The following POU2F2 variants were observed in gnomAD, a reference collection of about 807,000 sequenced individuals.
POU2F2 encodes the protein POU domain, class 2, transcription factor 2.
A neutral mutation model predicts 63.5 loss-of-function variants in POU2F2; 14 were observed. The observed-to-expected ratio is 0.22, with a 90% CI of 0.15 to 0.34. The LOEUF is 0.34. POU2F2 is among the 10% of genes least tolerant of loss of function. The pLI is 1.00. For synonymous variants in POU2F2, 306 were observed against 348.6 expected (o/e 0.88, Z 1.36); for missense variants, 607 against 815.2 (o/e 0.74, Z 3.11).
At chr19:42,179,527 A>C, upstream of POU2F2, among the ~76,000 whole-genome samples, 1 of 150,380 alleles carries the variant, frequency 6.6e-6, no homozygotes, top group Non-Finnish European at 1.5e-5. Flanking sequence ...AGGAGGGGGA[A>C]GGCAGGGAGG....
At chr19:42,127,493 C>G (rs1037271122) in intron 1 of POU2F2, among the ~76,000 whole-genome samples, 4 of 152,102 alleles carry the variant, frequency 2.6e-5, no homozygotes, top group African/African-American at 9.7e-5. Flanking sequence ...AAGCAATTCC[C>G]TGCCTCAGGC....
At chr19:42,106,410 C>T (rs1160418816) in intron 5 of POU2F2, among the ~76,000 whole-genome samples, 1 of 152,100 alleles carries the variant, frequency 6.6e-6, no homozygotes, top group African/African-American at 2.4e-5. Flanking sequence ...CATGTCCAGC[C>T]AGATATATAG....
chr19:42,177,645 C>T (rs1005691070), upstream of POU2F2, among the ~76,000 whole-genome samples: 20 of 151,798 alleles, frequency 1.3e-4, no homozygotes, highest in Admixed American at 8.5e-4. Context: ...CACAGAGATA[C>T]TGAGAGACAC....
intron 2 of POU2F2, among the ~76,000 whole-genome samples, chr19:42,141,682 G>T (rs1282230330): frequency 6.6e-6 from 1 of 151,968 alleles, no homozygotes; most frequent in Non-Finnish European, 1.5e-5. Context: ...GTTTCTCCAT[G>T]TTGGTCAGGC....
intron 4 of POU2F2, among the ~76,000 whole-genome samples, chr19:42,121,863 G>A (rs1600119157): frequency 6.6e-6 from 1 of 152,298 alleles, no homozygotes; most frequent in East Asian, 1.9e-4. Context: ...TGGGATGGGG[G>A]CGGGCCTTTG....
intron 1 of POU2F2, among the ~76,000 whole-genome samples, chr19:42,163,251 G>C (rs936946349): frequency 1.3e-5 from 2 of 152,156 alleles, no homozygotes; most frequent in African/African-American, 4.8e-5. Context: ...TGTTGGGAGA[G>C]AGAGGCTTCT....
In POU2F2 at chr19:42,089,253, A is replaced by C. The variant is rs1416589427; in HGVS notation, c.*2004T>G. The C allele has an allele frequency of 1.3e-5, 2 of 152,268 alleles. No homozygotes were observed. The highest frequency in any genetic ancestry group is 2.9e-5 in the Non-Finnish European group (2 of 67,976). 9.4% of individuals were successfully genotyped at this position (152,268 alleles called of 1,614,324 possible). A position where few individuals can be genotyped will look rare whatever the true frequency, so the allele number is the denominator to read the frequency against. On this transcript the variant is annotated 3_prime_UTR_variant, in exon 15 of 15. Transcript: ENST00000692977. ...GAGAGGAGACAGGAAGGAGGAGAGG[A>C]GAGAGGAAGGAGGGGAGGAGAGAGG...
chr19:42,093,793 C>T (rs370791985), intron 12 of POU2F2, 36 bp downstream of exon 12: 26 of 1,581,338 alleles, frequency 1.6e-5, no homozygotes, highest in Non-Finnish European at 1.8e-5. Flanking sequence ...GCCACATCCT[C>T]CCAGTCCCCC....
At chr19:42,150,252 G>A (rs1362888059) in intron 2 of POU2F2, among the ~76,000 whole-genome samples, 1 of 152,022 alleles carries the variant, frequency 6.6e-6, no homozygotes, top group Non-Finnish European at 1.5e-5. Flanking sequence ...CTCCTCTGCA[G>A]GTTTGGGGTT....
intron 5 of POU2F2, among the ~76,000 whole-genome samples, chr19:42,116,520 G>A (rs2146558559): frequency 6.6e-6 from 1 of 152,256 alleles, no homozygotes; most frequent in East Asian, 1.9e-4. Flanking sequence ...CTCCCTGTGA[G>A]CCTCACTTTA....
At chr19:42,167,944 C>T (rs953727732) in intron 1 of POU2F2, among the ~76,000 whole-genome samples, 4 of 152,204 alleles carry the variant, frequency 2.6e-5, no homozygotes, top group African/African-American at 9.7e-5. Context: ...GAAAGATCTG[C>T]CTCATCTGGG....
At position 42,091,202 on chromosome 19, in the gene POU2F2, A is replaced by G; in HGVS notation, c.*55T>C. The G allele has an allele frequency of 6.9e-7, 1 of 1,448,906 alleles. No individual in the cohort carries two copies. The highest frequency in any genetic ancestry group is 2.5e-5 in the East Asian group (1 of 39,882). The allele number at this position is 1,448,906 out of a possible 1,614,324, so 89.8% of individuals were successfully genotyped here. A position where few individuals can be genotyped will look rare whatever the true frequency, so the allele number is the denominator to read the frequency against. On this transcript the variant is annotated 3_prime_UTR_variant, in exon 15 of 15. Transcript: ENST00000692977. ...CCACTGGCCTCCTCGCCCTCTTCCC[A>G]GGCAAGGGACCAAGGCAGGGACCAG...
intron 1 of POU2F2, among the ~76,000 whole-genome samples, chr19:42,124,747 C>T (rs889026805): frequency 1.3e-5 from 2 of 152,254 alleles, no homozygotes; most frequent in Admixed American, 6.5e-5. Context: ...AAAGAACAAA[C>T]TCCTGCTTCA....
At chr19:42,150,770 T>G (rs1041326348) in intron 2 of POU2F2, among the ~76,000 whole-genome samples, 1 of 151,770 alleles carries the variant, frequency 6.6e-6, no homozygotes, top group African/African-American at 2.4e-5. Context: ...TAATTTTTTT[T>G]AAAACTCGCT....
chr19:42,092,993 A>G lies in POU2F2; in HGVS notation c.1265-723T>C, dbSNP rs1268643068. Among the ~76,000 whole-genome samples the G allele has an allele frequency of 3.0e-4, 26 of 87,196 alleles. No homozygotes were observed. The highest frequency in any genetic ancestry group is 1.2e-3 in the African/African-American group (24 of 19,910). The allele number at this position is 87,196 out of a possible 152,430, so 57.2% of individuals were successfully genotyped here. A position where few individuals can be genotyped will look rare whatever the true frequency, so the allele number is the denominator to read the frequency against. ...ATATATATTATGTGTGTGTGTATAT[A>G]TATATATATATATATATTTTTTTTT... On this transcript the variant is annotated intron_variant, in intron 12 of 14. Coordinates refer to ENST00000692977, the MANE Select transcript of POU2F2 (RefSeq NM_001394376.1). The surrounding 1 kb of genome is among the most constrained non-coding windows in gnomAD (Gnocchi z 5.0).
At chr19:42,100,656 C>G (rs1376518881) in intron 5 of POU2F2, among the ~76,000 whole-genome samples, 1 of 152,030 alleles carries the variant, frequency 6.6e-6, no homozygotes, top group Admixed American at 6.6e-5. Flanking sequence ...GAGGCTGATG[C>G]AGGAGAATTG....
In POU2F2 at chr19:42,092,374, A is replaced by C; in HGVS notation, c.1265-104T>G. 1 of 879,842 alleles carries C rather than the reference A, an allele frequency of 1.1e-6. No individual in the cohort carries two copies. Among genetic ancestry groups the C allele is most frequent in the South Asian group, 1.4e-5 (1 of 69,760 alleles). 54.5% of individuals were successfully genotyped at this position (879,842 alleles called of 1,614,324 possible). A position where few individuals can be genotyped will look rare whatever the true frequency, so the allele number is the denominator to read the frequency against. ...TGTCCTCCCGCCCAGCTCACGCAGC[A>C]TCTCCTCAGTCAGAACAGCCTTAGA... On this transcript the variant is annotated intron_variant, in intron 12 of 14. Coordinates refer to ENST00000692977, the MANE Select transcript of POU2F2 (RefSeq NM_001394376.1). The surrounding 1 kb of genome is among the most constrained non-coding windows in gnomAD (Gnocchi z 5.0).
rs543019541 is a variant in POU2F2 at position 42,118,891 on chromosome 19, G to A, written c.187-1459C>T. On this transcript the variant is annotated intron_variant, in intron 4 of 14. Transcript: ENST00000692977. ...TGACACAGTGTGTTGGCAGGGGGGT[G>A]ATATTTGGAATGTGGACAGAGACAA... Among the ~76,000 whole-genome samples the A allele has an allele frequency of 2.0e-5, 3 of 152,324 alleles. No homozygotes were observed. In the South Asian group the frequency reaches 6.2e-4, roughly 32 times the overall value.
chr19:42,104,486 G>A (rs1372579738), intron 5 of POU2F2, among the ~76,000 whole-genome samples: 1 of 152,010 alleles, frequency 6.6e-6, no homozygotes, highest in Non-Finnish European at 1.5e-5. Context: ...AGGATGGGTT[G>A]GATGAATGAG....
Sources: allele counts gnomAD v4.1 joint callset (sites outside exome capture counted in the v4.1 genomes callset), GRCh38; gene constraint gnomAD v4.1.1; non-coding constraint Gnocchi (gnomAD v3.1); transcripts MANE v1.5; gene names NCBI Gene and HGNC (gene_info 2026-07-23, HGNC 2026-07-21).